Variants in TTC7A observed in about 807,000 individuals in gnomAD.
TTC7A encodes tetratricopeptide repeat protein 7A.
A neutral mutation model predicts 103.7 loss-of-function variants in TTC7A; 110 were observed. The ratio of observed to expected loss-of-function variants is 1.06; its 90% confidence interval spans 0.91 to 1.24. TTC7A has a LOEUF of 1.24. Ranked by LOEUF, TTC7A falls within the 50% of genes most tolerant of loss-of-function variation. The pLI is 0.00. For missense variants in TTC7A, 1,340 were observed against 1,116.3 expected (o/e 1.20, Z -2.86); for synonymous variants, 521 against 467.9 (o/e 1.11, Z -1.47).
chr2:47,014,474 C>A (rs1237501963), intron 11 of TTC7A, among the ~76,000 whole-genome samples: 1 of 152,170 alleles, frequency 6.6e-6, no homozygotes, highest in Non-Finnish European at 1.5e-5. Context: ...CCCTTTTTCT[C>A]AAGGACTGGA....
intron 15 of TTC7A, among the ~76,000 whole-genome samples, chr2:47,040,056 T>C (rs1572996081): frequency 6.6e-6 from 1 of 152,146 alleles, no homozygotes; most frequent in Non-Finnish European, 1.5e-5. Flanking sequence ...AGTCGGCAGG[T>C]CCCAGTGGTT....
At chr2:46,988,955 C>T (rs1029501015) in intron 5 of TTC7A, among the ~76,000 whole-genome samples, 6 of 152,186 alleles carry the variant, frequency 3.9e-5, no homozygotes, top group African/African-American at 1.4e-4. Flanking sequence ...GTGATCATTT[C>T]TTGAGCACCT....
chr2:47,028,601 G>C (rs1206450582), intron 14 of TTC7A, among the ~76,000 whole-genome samples: 4 of 152,198 alleles, frequency 2.6e-5, no homozygotes, highest in African/African-American at 9.7e-5. Context: ...AGGCTTTCCT[G>C]AGGCCACATC....
chr2:46,994,411 T>G lies in TTC7A; in HGVS notation c.898T>G (p.Tyr300Asp). The change falls in exon 7 of 20, where the codon TAC becomes GAC. Residue 300 changes from tyrosine (Y) to aspartate (D), a missense_variant. Transcript: ENST00000319190. ...VLLHSLSEEC[Y>D]WSPLSHPLPE... is the part of the protein sequence containing the mutation. ...GCTGCACTCCCTGAGTGAGGAGTGC[T>G]ACTGGAGCCCCCTGTCCCACCCTCT... 1 of 1,614,008 alleles carries G rather than the reference T, an allele frequency of 6.2e-7. No homozygotes were observed.
At position 47,022,603 on chromosome 2, in the gene TTC7A, G is replaced by A. The variant is rs577262154; in HGVS notation, c.1510+624G>A. 6.6e-5 allele frequency among the ~76,000 whole-genome samples: 10 copies of A among 151,970 alleles called. 1 individual carries two copies. The highest frequency in any genetic ancestry group is 3.9e-4 in the Admixed American group (6 of 15,254). The stretch of plus-strand genomic sequence containing the variant: ...TGTAGCTTGAGGGATGGGGAGTGAC[G>A]GGCCGCCACCCAGACCAAACCTGGA... On this transcript the variant is annotated intron_variant, in intron 12 of 19. Transcript: ENST00000319190.
chr2:47,033,164 A>G (rs573175980), intron 15 of TTC7A, among the ~76,000 whole-genome samples: 1 of 152,314 alleles, frequency 6.6e-6, no homozygotes, highest in East Asian at 1.9e-4. Flanking sequence ...GCTGCTCTGC[A>G]TTTGAGGAGA....
At chr2:47,032,501 T>C (rs1278299734) in intron 15 of TTC7A, among the ~76,000 whole-genome samples, 1 of 152,094 alleles carries the variant, frequency 6.6e-6, no homozygotes, top group East Asian at 1.9e-4. Flanking sequence ...GGGTGGGGCC[T>C]AGGGGAATCA....
chr2:46,991,693 C>T (rs189695160), intron 5 of TTC7A, among the ~76,000 whole-genome samples: 1 of 152,140 alleles, frequency 6.6e-6, no homozygotes. Context: ...TAGTGGTAAA[C>T]ATGGTGAATG....
intron 1 of TTC7A, among the ~76,000 whole-genome samples, chr2:46,943,081 G>A (rs1172630608): frequency 6.6e-6 from 1 of 151,962 alleles, no homozygotes; most frequent in Non-Finnish European, 1.5e-5. Context: ...AATTTTTGCA[G>A]TTTTAGTAGA....
chr2:47,016,658 A>G (rs537800590), intron 11 of TTC7A, among the ~76,000 whole-genome samples: 10 of 152,348 alleles, frequency 6.6e-5, no homozygotes, highest in African/African-American at 2.2e-4. Flanking sequence ...GAGCAAGGAA[A>G]GCCCGGTGCT....
intron 3 of TTC7A, among the ~76,000 whole-genome samples, chr2:46,957,473 A>C (rs919816147): frequency 2.0e-5 from 3 of 152,136 alleles, no homozygotes; most frequent in Non-Finnish European, 4.4e-5. Flanking sequence ...GGAGTCTGCC[A>C]CTCCTCAGTT....
In TTC7A at chr2:47,074,921, C is replaced by A. The variant is rs1685099226; in HGVS notation, c.*998C>A. The A allele has an allele frequency of 6.6e-6, 1 of 152,270 alleles. No individual in the cohort carries two copies. Among genetic ancestry groups the A allele is most frequent in the East Asian group, 1.9e-4 (1 of 5,198 alleles). The allele number at this position is 152,270 out of a possible 1,614,324, so 9.4% of individuals were successfully genotyped here. A position where few individuals can be genotyped will look rare whatever the true frequency, so the allele number is the denominator to read the frequency against. On this transcript the variant is annotated 3_prime_UTR_variant, in exon 20 of 20. Transcript: ENST00000319190. ...GTGTATGTCCTCCCTACTGGCTTCC[C>A]CGGCCCCTGCTGCATGATGCTCTTG...
intron 15 of TTC7A, among the ~76,000 whole-genome samples, chr2:47,043,490 C>A (rs866568916): frequency 6.6e-6 from 1 of 152,100 alleles, no homozygotes; most frequent in African/African-American, 2.4e-5. Flanking sequence ...TGCTAATACC[C>A]ATGTGATCAG....
At chr2:47,062,027 A>G (rs947207571) in intron 19 of TTC7A, among the ~76,000 whole-genome samples, 1 of 152,254 alleles carries the variant, frequency 6.6e-6, no homozygotes, top group African/African-American at 2.4e-5. Context: ...GCACAGAGGC[A>G]TCAGGAGAAT....
At chr2:46,999,613 G>A in intron 8 of TTC7A, 4 of 985,390 alleles carry the variant, frequency 4.1e-6, no homozygotes, top group Non-Finnish European at 4.8e-6. Context: ...GGAAACCCTG[G>A]TCCCCAAATC....
At chr2:47,008,294 C>T (rs1382247466) in intron 10 of TTC7A, among the ~76,000 whole-genome samples, 3 of 152,182 alleles carry the variant, frequency 2.0e-5, no homozygotes, top group Admixed American at 1.3e-4. Context: ...AGGACTCCTG[C>T]TCAGAAAAAT....
chr2:46,968,566 G>C (rs1025412576), intron 3 of TTC7A, among the ~76,000 whole-genome samples: 1 of 152,166 alleles, frequency 6.6e-6, no homozygotes, highest in Non-Finnish European at 1.5e-5. Flanking sequence ...GGCAGAACTG[G>C]GTGACTGGAC....
chr2:47,025,585 G>A (rs922632173), intron 14 of TTC7A, among the ~76,000 whole-genome samples: 24 of 152,128 alleles, frequency 1.6e-4, no homozygotes, highest in African/African-American at 5.3e-4. Context: ...CCCTTGTCCC[G>A]GTGCCTGTGT....
In TTC7A at chr2:46,950,518, A is replaced by T; in HGVS notation, c.340A>T (p.Arg114Trp). Residue 114 changes from arginine to tryptophan, a missense_variant, in exon 2 of 20, where the codon AGG becomes TGG. Transcript: ENST00000319190. ...TCTAAGCAGTATCCTTAACCATGGGAGGCTCTCGGTAAGTCGTCAGCCTTC... is the reference window on the plus strand; with the variant it reads ...TCTAAGCAGTATCCTTAACCATGGGTGGCTCTCGGTAAGTCGTCAGCCTTC... ...NYLSSILNHGRLSPQYMCEAM... is the reference protein window; with the variant it reads ...NYLSSILNHGWLSPQYMCEAM... 1 of 1,614,100 alleles carries T rather than the reference A, an allele frequency of 6.2e-7. No individual in the cohort carries two copies. Among genetic ancestry groups the T allele is most frequent in the Non-Finnish European group, 8.5e-7 (1 of 1,180,008 alleles).
Sources: gnomAD v4.1 joint callset for allele counts (sites outside exome capture counted in the v4.1 genomes callset) on GRCh38, gnomAD v4.1.1 for gene constraint, MANE v1.5 for transcripts, NCBI Gene and HGNC (gene_info 2026-07-23, HGNC 2026-07-21) for gene names.